SHTN1: variants seen among roughly 807,000 people sequenced by gnomAD.
SHTN1 encodes shootin 1, also known as shootin-1.
In SHTN1, 42 loss-of-function variants were observed where a neutral mutation model predicts 83.1. The observed-to-expected ratio is 0.51, with a 90% CI of 0.39 to 0.65. The LOEUF (loss-of-function observed/expected upper bound fraction) is 0.65, where lower values mean the gene tolerates loss of function less well. Ranked by LOEUF, SHTN1 falls within the 30% of genes least tolerant of loss-of-function variation. The pLI is 0.00. For missense variants in SHTN1, 622 were observed against 737.8 expected (o/e 0.84, Z 1.82); for synonymous variants, 224 against 247.7 (o/e 0.90, Z 0.90).
chr10:117,119,346 G>GA (rs1269003044), intron 1 of SHTN1, among the ~76,000 whole-genome samples: 3 of 151,976 alleles, frequency 2.0e-5, no homozygotes, highest in Admixed American at 6.6e-5. Context: ...CAATTCTACA[G>GA]AAAAAAATGG....
At chr10:116,990,051 C>T (rs1851363456) in intron 1 of SHTN1, among the ~76,000 whole-genome samples, 1 of 152,068 alleles carries the variant, frequency 6.6e-6, no homozygotes, top group African/African-American at 2.4e-5. Context: ...AGGCAGCTCT[C>T]CCAAATCTCT....
chr10:116,927,922 C>T (rs1848806244), intron 10 of SHTN1, 31 bp from the exon 11 acceptor site: 1 of 1,609,450 alleles, frequency 6.2e-7, no homozygotes, highest in African/African-American at 1.3e-5. Context: ...CAGAAGAGAG[C>T]TGAAATAAGC....
intron 1 of SHTN1, among the ~76,000 whole-genome samples, chr10:117,109,367 A>G (rs1853726574): frequency 6.6e-6 from 1 of 152,002 alleles, no homozygotes; most frequent in Non-Finnish European, 1.5e-5. Context: ...TAGACACTCA[A>G]TACATGTAAG....
intron 1 of SHTN1, among the ~76,000 whole-genome samples, chr10:117,123,851 G>C (rs1853966129): frequency 6.9e-6 from 1 of 143,914 alleles, no homozygotes; most frequent in East Asian, 2.1e-4. Context: ...AGTGAGTCGA[G>C]ATCACATTGC....
intron 2 of SHTN1, among the ~76,000 whole-genome samples, chr10:117,027,794 G>C (rs1852352542): frequency 2.0e-5 from 3 of 152,214 alleles, no homozygotes; most frequent in Non-Finnish European, 4.4e-5. Flanking sequence ...CACCGCACCT[G>C]GCCCAGGCAT....
intron 9 of SHTN1, among the ~76,000 whole-genome samples, chr10:116,939,185 T>G (rs1564887074): frequency 6.6e-6 from 1 of 152,136 alleles, no homozygotes; most frequent in Non-Finnish European, 1.5e-5. Flanking sequence ...GGTTCTGTGT[T>G]GTTGGAGTTC....
At chr10:116,911,467 A>G (rs1848190602) in intron 14 of SHTN1, 1 of 1,547,458 alleles carries the variant, frequency 6.5e-7, no homozygotes, top group Non-Finnish European at 8.7e-7. Context: ...TCTGTTTTTC[A>G]TCAACATGTA....
chr10:116,928,663 G>A lies in SHTN1; in HGVS notation c.1013-772C>T, dbSNP rs541121959. Among the ~76,000 whole-genome samples the A allele has an allele frequency of 1.1e-4, 17 of 152,210 alleles. No homozygotes were observed. The South Asian group carries it at 1.9e-3, about 17-fold the overall frequency. Reference sequence around the variant, plus strand: ...CATCCACAGCCATTCCACTTTCCCCGACTGAGTGTACCCTCAGGGATCTGT... The same window carrying A: ...CATCCACAGCCATTCCACTTTCCCCAACTGAGTGTACCCTCAGGGATCTGT... On this transcript the variant is annotated intron_variant, in intron 10 of 16. Transcript: ENST00000355371.
Position 116,886,304 on chromosome 10 carries a change from G to A in SHTN1, c.*40C>T, listed in dbSNP as rs1847160765. 6.4e-7 allele frequency: 1 copy of A among 1,551,298 alleles called. No individual in the cohort carries two copies. Among genetic ancestry groups the A allele is most frequent in the Admixed American group, 2.0e-5 (1 of 50,914 alleles). On this transcript the variant is annotated 3_prime_UTR_variant, in exon 17 of 17. Transcript: ENST00000355371. Reference sequence around the variant, plus strand: ...TAACAACACTAATCATGTGCTTATTGAAAAGGACTTCCAAACATGTCAGGC... The same window carrying A: ...TAACAACACTAATCATGTGCTTATTAAAAAGGACTTCCAAACATGTCAGGC...
rs35033048 is a variant in SHTN1, at chr10:117,035,947, CAAAAAAAAA to C, written c.-123+12489_-123+12497del. On this transcript the variant is annotated intron_variant, in intron 2 of 17. Coordinates refer to the SHTN1 transcript ENST00000392901. ...GGGGAACAAGAGCGAAACTCCATCT[CAAAAAAAAA>C]AAAAAAAAAAAGGCAAAAGACTTGA... is the stretch of plus-strand genomic sequence containing the variant. 1.9e-4 allele frequency among the ~76,000 whole-genome samples: 14 copies of C among 72,208 alleles called. No individual in the cohort carries two copies. The Admixed American group carries it at 2.8e-3, about 14-fold the overall frequency. 47.4% of individuals were successfully genotyped at this position (72,208 alleles called of 152,430 possible).
At chr10:116,906,823 AT>A in intron 14 of SHTN1, 76 bp from the exon 15 acceptor site, 1 of 1,198,826 alleles carries the variant, frequency 8.3e-7, no homozygotes, top group Non-Finnish European at 1.1e-6. Flanking sequence ...AAATCAAACC[AT>A]GAAAACATTA....
At chr10:116,896,718 G>A (rs1325272285) in intron 16 of SHTN1, among the ~76,000 whole-genome samples, 1 of 151,710 alleles carries the variant, frequency 6.6e-6, no homozygotes, top group South Asian at 2.1e-4. Context: ...CGAAGCAGTC[G>A]TCTCATCTTC....
At chr10:116,945,665 G>A (rs888766961) in intron 7 of SHTN1, among the ~76,000 whole-genome samples, 2 of 151,986 alleles carry the variant, frequency 1.3e-5, no homozygotes, top group African/African-American at 4.8e-5. Flanking sequence ...AAATTTTAAA[G>A]CATGGTTTTA....
chr10:116,930,377 T>C (rs1848915630), intron 9 of SHTN1, among the ~76,000 whole-genome samples: 1 of 152,118 alleles, frequency 6.6e-6, no homozygotes, highest in Admixed American at 6.5e-5. Flanking sequence ...TTCGATCCTC[T>C]CTCTCCTCCC....
At chr10:117,076,340 G>T (rs1853153602) in intron 1 of SHTN1, among the ~76,000 whole-genome samples, 1 of 152,138 alleles carries the variant, frequency 6.6e-6, no homozygotes. Flanking sequence ...CATCCTTGGA[G>T]CTGTCCGCTA....
At chr10:116,913,431 C>T (rs1848275710) in intron 13 of SHTN1, among the ~76,000 whole-genome samples, 1 of 152,244 alleles carries the variant, frequency 6.6e-6, no homozygotes, top group African/African-American at 2.4e-5. Flanking sequence ...CAGTTGTCCA[C>T]TGATCCTTGT....
At chr10:117,024,513 C>T (rs1288381791) in intron 2 of SHTN1, among the ~76,000 whole-genome samples, 1 of 151,848 alleles carries the variant, frequency 6.6e-6, no homozygotes, top group African/African-American at 2.4e-5. Context: ...CACCACCACG[C>T]CTGGCTAATT....
chr10:117,005,344 T>G (rs2133549560), upstream of SHTN1: 1 of 1,276,418 alleles, frequency 7.8e-7, no homozygotes. Context: ...CGAGGGCGGG[T>G]CGGCAGCCGC....
At chr10:116,926,714 A>T (rs372744899) in intron 11 of SHTN1, among the ~76,000 whole-genome samples, 2 of 126,350 alleles carry the variant, frequency 1.6e-5, no homozygotes, top group South Asian at 2.4e-4. Context: ...TGAAAGGTTT[A>T]AAAAAAAAAA....
Sources: allele counts gnomAD v4.1 joint callset (sites outside exome capture counted in the v4.1 genomes callset), GRCh38; gene constraint gnomAD v4.1.1; transcripts MANE v1.5; gene names NCBI Gene and HGNC (gene_info 2026-07-23, HGNC 2026-07-21).